GRK3: variants seen among roughly 807,000 people sequenced by gnomAD.
GRK3 encodes G protein-coupled receptor kinase 3.
A neutral mutation model predicts 95.7 loss-of-function variants in GRK3; 54 were observed. The observed-to-expected ratio is 0.56, with a 90% CI of 0.45 to 0.71. The LOEUF is 0.71. GRK3 is among the 30% of genes least tolerant of loss of function. GRK3 has a pLI of 0.00. For synonymous variants in GRK3, 281 were observed against 290.8 expected (o/e 0.97, Z 0.34); for missense variants, 649 against 851.2 (o/e 0.76, Z 2.96).
intron 2 of GRK3, among the ~76,000 whole-genome samples, chr22:25,620,825 G>C (rs575309629): frequency 3.9e-5 from 6 of 152,230 alleles, no homozygotes; most frequent in Non-Finnish European, 5.9e-5. Context: ...GAAACAATTT[G>C]AGTTGTAGTA....
chr22:25,627,368 T>C (rs2084635420), intron 2 of GRK3, among the ~76,000 whole-genome samples: 1 of 152,254 alleles, frequency 6.6e-6, no homozygotes, highest in African/African-American at 2.4e-5. Context: ...CAACCCTCCC[T>C]GAGCCTCCTT....
intron 2 of GRK3, among the ~76,000 whole-genome samples, chr22:25,642,083 A>C (rs1008108663): frequency 2.0e-5 from 3 of 152,242 alleles, no homozygotes; most frequent in East Asian, 1.9e-4. Flanking sequence ...AAAAAGATGA[A>C]CAAATCTACA....
chr22:25,692,745 A>G (rs921852652), intron 12 of GRK3, among the ~76,000 whole-genome samples: 1 of 152,266 alleles, frequency 6.6e-6, no homozygotes, highest in African/African-American at 2.4e-5. Flanking sequence ...AACTTGAACC[A>G]GGTCACATGG....
intron 2 of GRK3, among the ~76,000 whole-genome samples, chr22:25,612,850 T>TTTTTA (rs1569164021): frequency 0.017 from 2,302 of 136,104 alleles, 27 homozygotes; most frequent in Middle Eastern, 0.071. Context: ...CTCTAAAAGT[T>TTTTTA]AAAAAAAAAA....
intron 18 of GRK3, among the ~76,000 whole-genome samples, chr22:25,717,506 T>C (rs1330551925): frequency 6.6e-6 from 1 of 152,186 alleles, no homozygotes; most frequent in Non-Finnish European, 1.5e-5. Context: ...TTGTCTCTTG[T>C]TCTCTGCTGA....
At chr22:25,597,887 A>G (rs537226719) in intron 1 of GRK3, among the ~76,000 whole-genome samples, 1 of 152,338 alleles carries the variant, frequency 6.6e-6, no homozygotes, top group South Asian at 2.1e-4. Flanking sequence ...ATATCTTTCA[A>G]AACTAAAGGC....
At position 25,695,079 on chromosome 22, in the gene GRK3, A is replaced by G. The variant is rs1177626520; in HGVS notation, c.1053-28A>G. On this transcript the variant is annotated intron_variant, in intron 12 of 20. Transcript: ENST00000324198. ...TGTTTTCTAAAGTGGGCATGCTCTG[A>G]TAACTGTGTATACTTTCTTCTCCCT... The G allele has an allele frequency of 5.8e-6, 9 of 1,558,602 alleles. No individual in the cohort carries two copies. In the South Asian group the frequency reaches 9.0e-5, roughly 16 times the overall value.
chr22:25,571,843 A>T (rs1931708990), intron 1 of GRK3, among the ~76,000 whole-genome samples: 1 of 151,620 alleles, frequency 6.6e-6, no homozygotes, highest in African/African-American at 2.4e-5. Flanking sequence ...TACACATGAT[A>T]CCTTACTCAC....
intron 2 of GRK3, among the ~76,000 whole-genome samples, chr22:25,605,128 G>A (rs184395610): frequency 5.3e-5 from 8 of 152,290 alleles, no homozygotes; most frequent in Admixed American, 2.0e-4. Context: ...TCTGTTTTAC[G>A]AAAATTAGCC....
intron 1 of GRK3, chr22:25,581,167 A>G (rs1932088920): frequency 6.6e-6 from 1 of 152,254 alleles, no homozygotes; most frequent in Admixed American, 6.5e-5. Context: ...AGGGAAAAGT[A>G]GCAGATTACA....
Position 25,673,610 on chromosome 22 carries a change from C to G in GRK3, c.556-827C>G, listed in dbSNP as rs2085002601. Among the ~76,000 whole-genome samples the G allele has an allele frequency of 1.3e-5, 2 of 151,988 alleles. 1 individual carries two copies. Among genetic ancestry groups the G allele is most frequent in the South Asian group, 4.2e-4 (2 of 4,806 alleles). Reference sequence around the variant, plus strand: ...AAACGTGAAGTCTGTGGCCCAAACGCAGGTTTCTATAGGATGTTTTAAGGT... The same window carrying G: ...AAACGTGAAGTCTGTGGCCCAAACGGAGGTTTCTATAGGATGTTTTAAGGT... On this transcript the variant is annotated intron_variant, in intron 7 of 20. Coordinates refer to ENST00000324198, the MANE Select transcript of GRK3 (RefSeq NM_005160.4).
At chr22:25,645,479 C>A (rs913601908) in intron 3 of GRK3, among the ~76,000 whole-genome samples, 2 of 152,174 alleles carry the variant, frequency 1.3e-5, no homozygotes, top group East Asian at 1.9e-4. Flanking sequence ...TGTGATTAGT[C>A]ACCCTTTCAA....
At chr22:25,650,244 T>C (rs574694763) in intron 3 of GRK3, among the ~76,000 whole-genome samples, 1 of 152,240 alleles carries the variant, frequency 6.6e-6, no homozygotes, top group Non-Finnish European at 1.5e-5. Flanking sequence ...GGTTTCACCA[T>C]GTTGTCCAGT....
In GRK3 at chr22:25,722,312, G is replaced by T; in HGVS notation, c.1929G>T (p.Trp643Cys). ...QCESDPEFVQ[W>C]KKELNETFKE... ...AGAGTGATCCAGAGTTTGTGCAGTG[G>T]AAGAAAGAGTTGAACGAAACCTTCA... The change falls in exon 21 of 21, where the codon TGG becomes TGT. Residue 643 changes from tryptophan (W) to cysteine (C), a missense_variant. This residue lies in a region of GRK3 where 382 missense variants were observed against 493.8 expected (regional missense o/e 0.77). Coordinates refer to ENST00000324198, the MANE Select transcript of GRK3 (RefSeq NM_005160.4). The T allele has an allele frequency of 6.2e-7, 1 of 1,614,174 alleles. No homozygotes were observed. Among genetic ancestry groups the T allele is most frequent in the Non-Finnish European group, 8.5e-7 (1 of 1,180,024 alleles).
chr22:25,578,075 G>T (rs912125091), intron 1 of GRK3, among the ~76,000 whole-genome samples: 3 of 152,112 alleles, frequency 2.0e-5, no homozygotes, highest in African/African-American at 7.2e-5. Flanking sequence ...ATGAGTACAA[G>T]ATAAGAGTTA....
intron 1 of GRK3, chr22:25,580,574 C>G (rs573148262): frequency 1.1e-4 from 16 of 152,352 alleles, no homozygotes; most frequent in African/African-American, 3.9e-4. Context: ...GCTCTTGTTG[C>G]CCAGGCTGGA....
rs1402694968 is a variant in GRK3, at chr22:25,647,761, G to T, written c.264+3096G>T. 3.9e-6 allele frequency: 4 copies of T among 1,024,038 alleles called. No homozygotes were observed. The East Asian group carries it at 9.6e-5, about 25-fold the overall frequency. 63.4% of individuals were successfully genotyped at this position (1,024,038 alleles called of 1,614,324 possible). A position where few individuals can be genotyped will look rare whatever the true frequency, so the allele number is the denominator to read the frequency against. On this transcript the variant is annotated intron_variant, in intron 3 of 20. Transcript: ENST00000324198. ...GTATTTTGGCAAAATGGGGAGAAAA[G>T]ATGCTGAAAGATTACTTCTGAATCC...
intron 11 of GRK3, among the ~76,000 whole-genome samples, chr22:25,689,181 A>G (rs1227808974): frequency 6.6e-6 from 1 of 152,090 alleles, no homozygotes; most frequent in Admixed American, 6.5e-5. Flanking sequence ...AAGAAGAAAA[A>G]TGTATTTTTA....
chr22:25,603,208 C>T (rs776387301), intron 1 of GRK3, among the ~76,000 whole-genome samples: 3 of 152,098 alleles, frequency 2.0e-5, no homozygotes, highest in Non-Finnish European at 4.4e-5. Flanking sequence ...TGAGGCACCT[C>T]GCCTACCTAA....
Sources: gnomAD v4.1 joint callset for allele counts (sites outside exome capture counted in the v4.1 genomes callset) on GRCh38, gnomAD v4.1.1 for gene constraint, gnomAD v4.1.1 regional missense constraint, MANE v1.5 for transcripts, NCBI Gene and HGNC (gene_info 2026-07-23, HGNC 2026-07-21) for gene names.